The following CTNNA3 variants were observed in gnomAD, a reference collection of about 807,000 sequenced individuals.
CTNNA3 encodes catenin alpha 3.
In CTNNA3, 76 loss-of-function variants were observed where a neutral mutation model predicts 95.7. The observed-to-expected ratio is 0.79, with a 90% CI of 0.66 to 0.96. CTNNA3 has a LOEUF of 0.96. Among genes scored for constraint, CTNNA3 ranks in the 40% least tolerant of loss-of-function variants. The probability of loss-of-function intolerance (pLI) is 0.00; values close to 1 mark genes in which losing one functional copy is unlikely to be tolerated. For missense variants in CTNNA3, 1,191 were observed against 1,089.8 expected, an observed-to-expected ratio of 1.09 and a Z score of -1.31; for synonymous variants, 431 against 374.4, an observed-to-expected ratio of 1.15 and a Z score of -1.74.
chr10:66,572,469 C>G (rs186419848), intron 10 of CTNNA3, among the ~76,000 whole-genome samples: 2 of 151,568 alleles, frequency 1.3e-5, no homozygotes, highest in Non-Finnish European at 2.9e-5. Context: ...ATGTCTATCT[C>G]TACATCTACC....
chr10:67,652,866 A>G (rs776156905), intron 1 of CTNNA3, among the ~76,000 whole-genome samples: 1 of 152,148 alleles, frequency 6.6e-6, no homozygotes, highest in African/African-American at 2.4e-5. Context: ...TACCTTCAGC[A>G]TGTCCTGCCA....
At chr10:66,232,981 C>A (rs141673860) in intron 13 of CTNNA3, among the ~76,000 whole-genome samples, 17,457 of 151,618 alleles carry the variant, frequency 0.12, 1,073 homozygotes, top group Middle Eastern at 0.18. Flanking sequence ...CATGGTGAAA[C>A]CCCATCTCTA....
chr10:67,144,966 C>G (rs917519061), intron 7 of CTNNA3, among the ~76,000 whole-genome samples: 4 of 152,110 alleles, frequency 2.6e-5, no homozygotes, highest in Non-Finnish European at 5.9e-5. Flanking sequence ...AGACGTGCGG[C>G]TCTTCCTTTC....
chr10:66,668,506 T>C, intron 9 of CTNNA3, among the ~76,000 whole-genome samples: 2 of 151,930 alleles, frequency 1.3e-5, no homozygotes, highest in South Asian at 2.1e-4. Context: ...TTCAAAGATA[T>C]ATAATCTTAT....
At chr10:66,862,512 A>G (rs1308163228) in intron 7 of CTNNA3, among the ~76,000 whole-genome samples, 1 of 152,144 alleles carries the variant, frequency 6.6e-6, no homozygotes, top group Admixed American at 6.6e-5. Context: ...TGTGGAGGGG[A>G]TATGGAACAG....
At chr10:67,000,459 T>C (rs1851612875) in intron 7 of CTNNA3, among the ~76,000 whole-genome samples, 1 of 152,180 alleles carries the variant, frequency 6.6e-6, no homozygotes, top group South Asian at 2.1e-4. Context: ...GTTAGTTCTA[T>C]GAGAGACAAC....
chr10:66,410,346 AG>A (rs1589212505), intron 11 of CTNNA3, among the ~76,000 whole-genome samples: 1 of 152,156 alleles, frequency 6.6e-6, no homozygotes, highest in East Asian at 1.9e-4. Flanking sequence ...TCCCTCTAGT[AG>A]TTCCATCATA....
intron 12 of CTNNA3, among the ~76,000 whole-genome samples, chr10:66,330,639 T>C (rs1045407309): frequency 2.0e-5 from 3 of 152,078 alleles, no homozygotes; most frequent in Non-Finnish European, 2.9e-5. Flanking sequence ...TCCTGAGGAA[T>C]CACCACGCTG....
intron 5 of CTNNA3, among the ~76,000 whole-genome samples, chr10:67,253,827 C>T (rs1180672024): frequency 1.3e-5 from 2 of 152,102 alleles, no homozygotes; most frequent in African/African-American, 2.4e-5. Flanking sequence ...GTTTTATGGG[C>T]CCAGGAGGCC....
chr10:67,500,643 G>T (rs1307201510), intron 5 of CTNNA3, among the ~76,000 whole-genome samples: 1 of 152,174 alleles, frequency 6.6e-6, no homozygotes, highest in Non-Finnish European at 1.5e-5. Flanking sequence ...AGGATACTTA[G>T]CTCTTCTTGT....
intron 15 of CTNNA3, among the ~76,000 whole-genome samples, chr10:66,020,660 T>C (rs932753613): frequency 1.4e-5 from 2 of 143,154 alleles, no homozygotes; most frequent in Non-Finnish European, 3.0e-5. Context: ...CACTTGCTGA[T>C]GATCTGAATT....
At chr10:66,676,807 T>C (rs1846872694) in intron 9 of CTNNA3, among the ~76,000 whole-genome samples, 1 of 152,136 alleles carries the variant, frequency 6.6e-6, no homozygotes, top group African/African-American at 2.4e-5. Context: ...GAGTCAATAG[T>C]TAATAAACAT....
chr10:66,123,870 G>A (rs1191645635), intron 13 of CTNNA3, among the ~76,000 whole-genome samples: 2 of 152,162 alleles, frequency 1.3e-5, no homozygotes, highest in African/African-American at 4.8e-5. Context: ...TTCCTAGGCT[G>A]CATACAGCAC....
intron 7 of CTNNA3, among the ~76,000 whole-genome samples, chr10:66,777,183 G>C (rs1345825211): frequency 6.6e-6 from 1 of 152,102 alleles, no homozygotes; most frequent in Non-Finnish European, 1.5e-5. Flanking sequence ...GAGATCATTC[G>C]ATACACTGCA....
At chr10:66,111,158 G>A (rs375609956) in intron 13 of CTNNA3, among the ~76,000 whole-genome samples, 6 of 152,200 alleles carry the variant, frequency 3.9e-5, no homozygotes, top group Admixed American at 2.0e-4. Flanking sequence ...TTTCCTCCTT[G>A]CTCTTCTCAT....
chr10:65,961,280 T>TATC (rs1185081662), intron 17 of CTNNA3, among the ~76,000 whole-genome samples: 2 of 152,188 alleles, frequency 1.3e-5, no homozygotes, highest in African/African-American at 2.4e-5. Flanking sequence ...CACCATATTT[T>TATC]ATCTGTCATT....
In CTNNA3 at chr10:66,334,463, A is replaced by G. The variant is rs552546948; in HGVS notation, c.1732+44689T>C. Among the ~76,000 whole-genome samples the G allele has an allele frequency of 1.4e-3, 216 of 151,824 alleles. 3 individuals are homozygous for G. The highest frequency in any genetic ancestry group is 5.1e-3 in the African/African-American group (211 of 41,446). ...AATCTCTCAGTGTTTGCTTGTCTGT[A>G]AAGTATTTTATTTCTCCTTCACTTA... On this transcript the variant is annotated intron_variant, in intron 12 of 17. Transcript: ENST00000433211.
rs1482937113 is a variant in CTNNA3, at chr10:67,317,211, T to A, written c.580-97341A>T. Among the ~76,000 whole-genome samples the A allele has an allele frequency of 5.9e-5, 9 of 152,056 alleles. No individual in the cohort carries two copies. The East Asian group carries it at 7.7e-4, about 13-fold the overall frequency. On this transcript the variant is annotated intron_variant, in intron 5 of 17. Transcript: ENST00000433211. The stretch of plus-strand genomic sequence containing the variant: ...TTTTTTTCTTTTTTTGCTTCTTTTT[T>A]AAATTTTATTATTATTATACTTTAA...
At chr10:66,389,724 G>GGA (rs3980751) in intron 11 of CTNNA3, among the ~76,000 whole-genome samples, 2,257 of 145,454 alleles carry the variant, frequency 0.016, 17 homozygotes, top group Non-Finnish European at 0.023. Flanking sequence ...ATATATATAT[G>GGA]GAGAGAGAGA....
Sources: allele counts gnomAD v4.1 joint callset (sites outside exome capture counted in the v4.1 genomes callset), GRCh38; gene constraint gnomAD v4.1.1; transcripts MANE v1.5; gene names NCBI Gene and HGNC (gene_info 2026-07-23, HGNC 2026-07-21).